Variants in CFAP74 observed in about 807,000 individuals in gnomAD.
CFAP74 encodes cilia- and flagella-associated protein 74.
In CFAP74, 124 loss-of-function variants were observed where a neutral mutation model predicts 188.9. That is an observed-to-expected ratio of 0.66 (90% CI 0.57 to 0.76). The LOEUF (loss-of-function observed/expected upper bound fraction) is 0.76. CFAP74 is among the 30% of genes least tolerant of loss of function. The pLI is 0.00. For synonymous variants in CFAP74, 956 were observed against 916.7 expected (o/e 1.04, Z -0.77); for missense variants, 2,198 against 2,165.2 (o/e 1.02, Z -0.30).
At chr1:1,963,311 C>A (rs914658862) in intron 14 of CFAP74, among the ~76,000 whole-genome samples, 4 of 151,954 alleles carry the variant, frequency 2.6e-5, no homozygotes, top group Admixed American at 1.3e-4. Flanking sequence ...ATTAGCCAGG[C>A]GTAGTGGCAG....
intron 14 of CFAP74, 41 bp from the exon 15 acceptor site, chr1:1,960,071 G>A (rs758847060): frequency 1.2e-5 from 18 of 1,548,950 alleles, no homozygotes; most frequent in African/African-American, 2.8e-5. Flanking sequence ...TTAGTGCTGC[G>A]GAGGGCAGAC....
intron 8 of CFAP74, 116 bp downstream of exon 8, chr1:1,972,821 G>A (rs929842729): frequency 1.5e-4 from 115 of 776,902 alleles, no homozygotes; most frequent in Non-Finnish European, 1.8e-4. Context: ...CAGCCTGGGC[G>A]ACAGAGCAAG....
Position 1,964,983 on chromosome 1 carries a change from G to A in CFAP74, c.1480C>T (p.Arg494Trp), listed in dbSNP as rs1380870743. The A allele has an allele frequency of 1.9e-5, 30 of 1,613,902 alleles. No homozygotes were observed. Among genetic ancestry groups the A allele is most frequent in the East Asian group, 4.5e-5 (2 of 44,880 alleles). Residue 494 changes from arginine (R) to tryptophan (W), a missense_variant, in exon 13 of 39, where the codon CGG (arginine) becomes TGG (tryptophan). Transcript: ENST00000682832. ...DKDILERTVERLRSRVVHKQV... is the reference protein window; with the variant it reads ...DKDILERTVEWLRSRVVHKQV... ...TTGTGGACCACCCTGCTCCGCAGCCGCTCCACCGTGCGCTCCAGGATGTCC... is the reference window on the plus strand; with the variant it reads ...TTGTGGACCACCCTGCTCCGCAGCCACTCCACCGTGCGCTCCAGGATGTCC...
intron 25 of CFAP74, among the ~76,000 whole-genome samples, chr1:1,934,072 G>A (rs1652623874): frequency 6.6e-6 from 1 of 152,328 alleles, no homozygotes. Flanking sequence ...AGGGGTCTGA[G>A]GCCACCGGCA....
Position 1,923,426 on chromosome 1 carries a change from AGG to A in CFAP74, c.4461_4462del (p.Leu1488GlyfsTer14). The A allele has an allele frequency of 1.2e-6, 2 of 1,603,598 alleles. No homozygotes were observed. The highest frequency in any genetic ancestry group is 1.7e-6 in the Non-Finnish European group (2 of 1,176,404). ...TGTCAGAGACTCCACGGGCACGTCC[AGG>A]GGGTCGCCGCCCTCCACGAACATCA... On this transcript the variant is annotated frameshift_variant, in exon 36 of 39. Coordinates refer to ENST00000682832, the MANE Select transcript of CFAP74 (RefSeq NM_001304360.2). LOFTEE classifies it high-confidence loss of function. This position sits in a 1 kb window ranked among gnomAD's most constrained non-coding sequence, Gnocchi z 6.3.
At position 1,946,892 on chromosome 1, in the gene CFAP74, A is replaced by G. The variant is rs115477779; in HGVS notation, c.2241+98T>C. The G allele has an allele frequency of 8.2e-3, 7,665 of 936,384 alleles. 350 individuals are homozygous for G. In the African/African-American group the frequency reaches 0.1, roughly 13 times the overall value. 58.0% of individuals were successfully genotyped at this position (936,384 alleles called of 1,614,324 possible). On this transcript the variant is annotated intron_variant, in intron 19 of 38. Coordinates refer to ENST00000682832, the MANE Select transcript of CFAP74 (RefSeq NM_001304360.2). Reference sequence around the variant, plus strand: ...CTCTGGTCAAACGCAAGGGCCACCTAGCAGTGAGGGCCAGTGGGTTGGGGT... The same window carrying G: ...CTCTGGTCAAACGCAAGGGCCACCTGGCAGTGAGGGCCAGTGGGTTGGGGT...
At chr1:1,961,823 C>A (rs1345152338) in intron 14 of CFAP74, among the ~76,000 whole-genome samples, 3 of 152,242 alleles carry the variant, frequency 2.0e-5, no homozygotes, top group Non-Finnish European at 2.9e-5. Context: ...GACCCTAAGA[C>A]TGACCTAAAA....
At chr1:1,955,910 C>G (rs776528035) in intron 17 of CFAP74, 60 bp from the exon 18 acceptor site, 5 of 1,547,642 alleles carry the variant, frequency 3.2e-6, no homozygotes, top group Non-Finnish European at 3.5e-6. Flanking sequence ...TCCCAGTCAG[C>G]TGCCGGAACT....
intron 6 of CFAP74, among the ~76,000 whole-genome samples, chr1:1,974,523 C>T (rs1424441674): frequency 1.3e-5 from 2 of 152,218 alleles, no homozygotes; most frequent in Non-Finnish European, 2.9e-5. Flanking sequence ...TGAGGAAGGC[C>T]TTCAGGAAGG....
rs375399963 is a variant in CFAP74 at position 1,978,790 on chromosome 1, G to A, written c.501-4592C>T. 4.6e-5 allele frequency among the ~76,000 whole-genome samples: 7 copies of A among 152,358 alleles called. No homozygotes were observed. The South Asian group carries it at 8.3e-4, about 18-fold the overall frequency. On this transcript the variant is annotated intron_variant, in intron 6 of 38. Coordinates refer to ENST00000682832, the MANE Select transcript of CFAP74 (RefSeq NM_001304360.2). ...AGGTTTGTGGATTTGTCACTGCAGCGATGGGATACGGGTGCAGTCAGGGAA... is the reference window on the plus strand; with the variant it reads ...AGGTTTGTGGATTTGTCACTGCAGCAATGGGATACGGGTGCAGTCAGGGAA...
chr1:1,980,743 C>T (rs371277051), intron 6 of CFAP74, among the ~76,000 whole-genome samples: 1 of 152,212 alleles, frequency 6.6e-6, no homozygotes, highest in Non-Finnish European at 1.5e-5. Context: ...TTCCAAGGAC[C>T]CTCGGCTGTT....
At chr1:1,989,189 G>A (rs898291915) in intron 2 of CFAP74, among the ~76,000 whole-genome samples, 3 of 152,156 alleles carry the variant, frequency 2.0e-5, no homozygotes, top group Non-Finnish European at 2.9e-5. Flanking sequence ...AGGGACATCC[G>A]TCTTTGCAGA....
At chr1:1,926,425 G>T in intron 31 of CFAP74, 32 bp downstream of exon 31, 1 of 1,550,210 alleles carries the variant, frequency 6.5e-7, no homozygotes. Context: ...CTCCCACCCC[G>T]CAGGCCGCCT....
At position 1,971,829 on chromosome 1, in the gene CFAP74, C is replaced by T. The variant is rs149402587; in HGVS notation, c.888+151G>A. On this transcript the variant is annotated intron_variant, in intron 9 of 38. Transcript: ENST00000682832. ...ACGGAACCCGTGGGCAAATCTGTGGCACAGGCTCGGGAAGCCTCCAGGGGT... is the reference window on the plus strand; with the variant it reads ...ACGGAACCCGTGGGCAAATCTGTGGTACAGGCTCGGGAAGCCTCCAGGGGT... 1,537 of 627,642 alleles carry T rather than the reference C, an allele frequency of 2.4e-3. 21 individuals carry two copies. In the African/African-American group the frequency reaches 0.025, roughly 10 times the overall value. 38.9% of individuals were successfully genotyped at this position (627,642 alleles called of 1,614,324 possible).
intron 9 of CFAP74, among the ~76,000 whole-genome samples, chr1:1,971,229 GC>G (rs1656011896): frequency 7.2e-6 from 1 of 138,360 alleles, no homozygotes; most frequent in East Asian, 2.3e-4. Context: ...ACGCGTGCAC[GC>G]CTGCACACAC....
intron 18 of CFAP74, 90 bp from the exon 19 acceptor site, chr1:1,947,144 AC>A: frequency 1.1e-6 from 1 of 925,752 alleles, no homozygotes; most frequent in Non-Finnish European, 1.7e-6. Context: ...CCACCTCCAA[AC>A]CCATATCCTG....
intron 25 of CFAP74, among the ~76,000 whole-genome samples, chr1:1,931,572 T>A (rs1233658426): frequency 9.9e-6 from 1 of 100,758 alleles, no homozygotes; most frequent in Non-Finnish European, 2.1e-5. Context: ...CCGTCGCTAC[T>A]AAAAATACAA....
chr1:1,925,430 C>T (rs531543949), intron 33 of CFAP74, among the ~76,000 whole-genome samples: 6 of 135,562 alleles, frequency 4.4e-5, no homozygotes, highest in Admixed American at 7.4e-5. Flanking sequence ...CCCTTGCCCC[C>T]GGTGGCTGAG....
Position 1,968,013 on chromosome 1 carries a change from TG to T in CFAP74, c.1245+621del. On this transcript the variant is annotated intron_variant, in intron 11 of 38. Coordinates refer to ENST00000682832, the MANE Select transcript of CFAP74 (RefSeq NM_001304360.2). The surrounding 1 kb of genome is among the most constrained non-coding windows in gnomAD (Gnocchi z 4.3). ...ATGAGTGAATGAGTGAGCGAATGAG[TG>T]AATGAATGAGTGAATGAGTGAATGA... 1.1e-5 allele frequency among the ~76,000 whole-genome samples: 1 copy of T among 91,784 alleles called. No individual in the cohort carries two copies. Among genetic ancestry groups the T allele is most frequent in the Non-Finnish European group, 2.6e-5 (1 of 38,386 alleles). The allele number at this position is 91,784 out of a possible 152,430, so 60.2% of individuals were successfully genotyped here. A position where few individuals can be genotyped will look rare whatever the true frequency, so the allele number is the denominator to read the frequency against.
Sources: allele counts gnomAD v4.1 joint callset (sites outside exome capture counted in the v4.1 genomes callset), GRCh38; gene constraint gnomAD v4.1.1; non-coding constraint Gnocchi (gnomAD v3.1); transcripts MANE v1.5; gene names NCBI Gene and HGNC (gene_info 2026-07-23, HGNC 2026-07-21).